Variants in BCL2L1 observed in about 807,000 individuals in gnomAD.
BCL2L1 encodes bcl-2-like protein 1.
BCL2L1 carries 1 observed loss-of-function variant against 18.7 expected under a neutral mutation model. The ratio of observed to expected loss-of-function variants is 0.05; its 90% CI spans 0.02 to 0.25. BCL2L1 has a LOEUF of 0.25. Among genes scored for constraint, BCL2L1 ranks in the 10% least tolerant of loss-of-function variants. The pLI is 1.00. For missense variants in BCL2L1, 207 were observed against 304.9 expected (o/e 0.68, Z 2.39); for synonymous variants, 103 against 122.7 (o/e 0.84, Z 1.06).
intron 2 of BCL2L1, among the ~76,000 whole-genome samples, chr20:31,681,581 C>CA (rs2060863050): frequency 6.6e-6 from 1 of 152,204 alleles, no homozygotes; most frequent in African/African-American, 2.4e-5. Context: ...GCTGAGGCTG[C>CA]AGTGAGCCAT....
chr20:31,690,809 AG>A (rs1311334915), intron 2 of BCL2L1, among the ~76,000 whole-genome samples: 1 of 152,184 alleles, frequency 6.6e-6, no homozygotes, highest in African/African-American at 2.4e-5. Flanking sequence ...AAGGAAAAAA[AG>A]CCCCAACTTT....
intron 2 of BCL2L1, among the ~76,000 whole-genome samples, chr20:31,675,987 C>G (rs2060752145): frequency 6.6e-6 from 1 of 152,234 alleles, no homozygotes. Flanking sequence ...GATGCACTTG[C>G]ATTTCTCAGA....
At chr20:31,707,768 A>G (rs1349127575) in intron 2 of BCL2L1, among the ~76,000 whole-genome samples, 6 of 150,688 alleles carry the variant, frequency 4.0e-5, no homozygotes, top group African/African-American at 9.8e-5. Flanking sequence ...ACAAGAGCGA[A>G]ACTCTGTCTC....
chr20:31,702,877 C>T (rs1290411925), intron 2 of BCL2L1, among the ~76,000 whole-genome samples: 1 of 142,964 alleles, frequency 7.0e-6, no homozygotes, highest in Non-Finnish European at 1.5e-5. Flanking sequence ...ACCCGGGAGG[C>T]GGAGGTTGCA....
intron 2 of BCL2L1, among the ~76,000 whole-genome samples, chr20:31,690,450 C>T (rs935395278): frequency 5.3e-5 from 8 of 152,120 alleles, no homozygotes; most frequent in East Asian, 1.9e-4. Context: ...CAGAATAAAA[C>T]GAACCCATCA....
chr20:31,690,131 T>A (rs1272169134), intron 2 of BCL2L1, among the ~76,000 whole-genome samples: 3 of 152,152 alleles, frequency 2.0e-5, no homozygotes, highest in Admixed American at 2.0e-4. Context: ...TCATCCAGGC[T>A]GGAGTGCAGT....
chr20:31,693,280 C>A (rs1464666447), intron 2 of BCL2L1, among the ~76,000 whole-genome samples: 1 of 150,442 alleles, frequency 6.6e-6, no homozygotes, highest in African/African-American at 2.4e-5. Context: ...CCAGCCCAGG[C>A]AACATAGTGA....
chr20:31,712,381 C>T (rs1205942654), intron 2 of BCL2L1, among the ~76,000 whole-genome samples: 1 of 152,232 alleles, frequency 6.6e-6, no homozygotes. Context: ...AAAGAACCTA[C>T]TTCAGAGTGC....
At chr20:31,671,533 C>A (rs1316601788) in intron 2 of BCL2L1, among the ~76,000 whole-genome samples, 1 of 152,090 alleles carries the variant, frequency 6.6e-6, no homozygotes, top group African/African-American at 2.4e-5. Flanking sequence ...CCCTGCTCAT[C>A]CCTCCCCAAC....
At chr20:31,685,358 C>A (rs1374360797) in intron 2 of BCL2L1, among the ~76,000 whole-genome samples, 1 of 150,168 alleles carries the variant, frequency 6.7e-6, no homozygotes, top group Non-Finnish European at 1.5e-5. Flanking sequence ...TGAGATCGTG[C>A]CACTGCACTC....
At chr20:31,686,280 G>A (rs1395298791) in intron 2 of BCL2L1, 1 of 152,200 alleles carries the variant, frequency 6.6e-6, no homozygotes, top group Non-Finnish European at 1.5e-5. Context: ...TCAAACCCAG[G>A]TGTGTCTGAC....
At chr20:31,669,797 T>A (rs1273489937) in intron 2 of BCL2L1, among the ~76,000 whole-genome samples, 1 of 152,114 alleles carries the variant, frequency 6.6e-6, no homozygotes, top group Non-Finnish European at 1.5e-5. Context: ...CACCCAGTGC[T>A]CAGAACAGTG....
At chr20:31,694,443 T>A (rs1365920130) in intron 2 of BCL2L1, among the ~76,000 whole-genome samples, 1 of 152,076 alleles carries the variant, frequency 6.6e-6, no homozygotes, top group Non-Finnish European at 1.5e-5. Context: ...ATCTATCTAA[T>A]GCTCCCCGAA....
At chr20:31,674,534 C>T (rs2060725490) in intron 2 of BCL2L1, among the ~76,000 whole-genome samples, 1 of 152,104 alleles carries the variant, frequency 6.6e-6, no homozygotes, top group Admixed American at 6.5e-5. Flanking sequence ...ATTCTAAGTC[C>T]AGGTAACCTG....
chr20:31,701,108 C>T (rs569820629), intron 2 of BCL2L1, among the ~76,000 whole-genome samples: 1 of 152,154 alleles, frequency 6.6e-6, no homozygotes, highest in African/African-American at 2.4e-5. Context: ...GGCCGGAGTG[C>T]AGTGGTGTGA....
chr20:31,674,608 C>T (rs1300194679), intron 2 of BCL2L1, among the ~76,000 whole-genome samples: 1 of 152,108 alleles, frequency 6.6e-6, no homozygotes, highest in Admixed American at 6.6e-5. Flanking sequence ...ATGGCTCACA[C>T]CTGTAATCCC....
intron 2 of BCL2L1, 73 bp from the exon 3 acceptor site, chr20:31,666,159 T>C (rs1206922706): frequency 6.4e-7 from 1 of 1,563,026 alleles, no homozygotes; most frequent in South Asian, 1.1e-5. Flanking sequence ...AAAGGGGCCA[T>C]CTGCATGCTA....
At chr20:31,683,745 G>A (rs570201031) in intron 2 of BCL2L1, among the ~76,000 whole-genome samples, 46 of 124,996 alleles carry the variant, frequency 3.7e-4, no homozygotes, top group African/African-American at 1.3e-3. Flanking sequence ...CTCCAGCCTG[G>A]GCAACAAGAG....
At chr20:31,707,670 C>T (rs939796952) in intron 2 of BCL2L1, among the ~76,000 whole-genome samples, 6 of 150,260 alleles carry the variant, frequency 4.0e-5, no homozygotes, top group African/African-American at 7.3e-5. Flanking sequence ...CCCAGCTACT[C>T]GGGAGGCTGA....
Sources: allele counts gnomAD v4.1 joint callset (sites outside exome capture counted in the v4.1 genomes callset), GRCh38; gene constraint gnomAD v4.1.1; transcripts MANE v1.5; gene names NCBI Gene and HGNC (gene_info 2026-07-23, HGNC 2026-07-21).